AK5: variants seen among roughly 807,000 people sequenced by gnomAD.
AK5 encodes the protein adenylate kinase isoenzyme 5.
AK5 carries 27 observed loss-of-function variants against 69.5 expected under a neutral mutation model. That is an observed-to-expected ratio of 0.39 (90% confidence interval 0.29 to 0.54). The LOEUF is 0.54. AK5 is among the 20% of genes least tolerant of loss of function. The pLI is 0.71. For missense variants in AK5, 531 were observed against 700.4 expected (o/e 0.76, Z 2.73); for synonymous variants, 260 against 244.4 (o/e 1.06, Z -0.60).
At chr1:77,505,021 TATG>T (rs1220102382) in intron 10 of AK5, among the ~76,000 whole-genome samples, 2 of 152,252 alleles carry the variant, frequency 1.3e-5, no homozygotes, top group East Asian at 3.8e-4. Context: ...AATTCACAGA[TATG>T]AATTAAACTT....
At chr1:77,543,616 C>G (rs983087662) in intron 13 of AK5, among the ~76,000 whole-genome samples, 2 of 152,024 alleles carry the variant, frequency 1.3e-5, no homozygotes, top group Admixed American at 1.3e-4. Context: ...ATTGCAGCCT[C>G]AACTTCCCTG....
rs554423853 is a variant in AK5, at chr1:77,550,171, G to A, written c.1621-8431G>A. The stretch of plus-strand genomic sequence containing the variant: ...TTTCCCAAGCTGGTCTCGAGCTCCT[G>A]GGCTGAAGCAATCCTCCTACCTCAG... On this transcript the variant is annotated intron_variant, in intron 13 of 13. Transcript: ENST00000354567. Among the ~76,000 whole-genome samples the A allele has an allele frequency of 3.3e-5, 5 of 152,164 alleles. No individual in the cohort carries two copies. The South Asian group carries it at 1.0e-3, about 32-fold the overall frequency.
intron 6 of AK5, among the ~76,000 whole-genome samples, chr1:77,364,036 A>T (rs749955216): frequency 1.3e-5 from 2 of 152,166 alleles, no homozygotes; most frequent in Non-Finnish European, 2.9e-5. Context: ...AAAGTGTTCA[A>T]TAAATATTTG....
At chr1:77,402,890 G>C (rs1649334038) in intron 6 of AK5, among the ~76,000 whole-genome samples, 1 of 152,158 alleles carries the variant, frequency 6.6e-6, no homozygotes, top group African/African-American at 2.4e-5. Context: ...CACAATGGTT[G>C]AGCTAGTTTA....
At chr1:77,404,087 T>C (rs1649448512) in intron 6 of AK5, among the ~76,000 whole-genome samples, 1 of 152,256 alleles carries the variant, frequency 6.6e-6, no homozygotes, top group Admixed American at 6.5e-5. Context: ...ACTCATGATT[T>C]GGCTCTCTGT....
In AK5 at chr1:77,367,577, A is replaced by ATG. The variant is rs1445266299; in HGVS notation, c.891+27010_891+27011insGT. On this transcript the variant is annotated intron_variant, in intron 6 of 13. Coordinates refer to ENST00000354567, the MANE Select transcript of AK5 (RefSeq NM_174858.3). ...TATTTTTATATATATATATATATAT[A>ATG]TAATATATATGTTATATATGTAATA... Among the ~76,000 whole-genome samples, 12 of 8,982 alleles carry ATG rather than the reference A, an allele frequency of 1.3e-3. 2 individuals are homozygous for ATG. The highest frequency in any genetic ancestry group is 2.1e-3 in the Non-Finnish European group (8 of 3,780). 5.9% of individuals were successfully genotyped at this position (8,982 alleles called of 152,430 possible). A position where few individuals can be genotyped will look rare whatever the true frequency, so the allele number is the denominator to read the frequency against.
Position 77,340,464 on chromosome 1 carries a change from C to A in AK5, c.787C>A (p.Arg263=). Reference sequence around the variant, plus strand: ...ACTGAAGCGTGCAGAACAGCAGGGCCGACCAGACGACAATGTAAAAGCTAC... The same window carrying A: ...ACTGAAGCGTGCAGAACAGCAGGGCAGACCAGACGACAATGTAAAAGCTAC... ...RLLKRAEQQG[R]PDDNVKATQR... Residue 263 remains arginine, a synonymous_variant, in exon 6 of 14, where the codon CGA becomes AGA. Transcript: ENST00000354567. 1 of 1,614,068 alleles carries A rather than the reference C, an allele frequency of 6.2e-7. No individual in the cohort carries two copies. The highest frequency in any genetic ancestry group is 2.2e-5 in the East Asian group (1 of 44,884).
chr1:77,282,270 C>T lies in AK5; in HGVS notation c.-44C>T. On this transcript the variant is annotated 5_prime_UTR_variant, in exon 1 of 14. Transcript: ENST00000354567. ...AGCCCCGGCTCAGGTCGCCGCAGCC[C>T]GGGAGCCTCCCCGCTTGCGCCCCAA... 1 of 1,532,398 alleles carries T rather than the reference C, an allele frequency of 6.5e-7. No individual in the cohort carries two copies. The highest frequency in any genetic ancestry group is 2.5e-5 in the East Asian group (1 of 39,968). 94.9% of individuals were successfully genotyped at this position (1,532,398 alleles called of 1,614,324 possible). A position where few individuals can be genotyped will look rare whatever the true frequency, so the allele number is the denominator to read the frequency against.
intron 13 of AK5, among the ~76,000 whole-genome samples, chr1:77,540,905 G>A (rs767813786): frequency 9.1e-4 from 138 of 151,660 alleles, no homozygotes; most frequent in Non-Finnish European, 1.6e-3. Context: ...GTTTTTTTTT[G>A]TTTGTTTCTT....
rs188395634 is a variant in AK5 at position 77,332,486 on chromosome 1, T to C, written c.700-7891T>C. Among the ~76,000 whole-genome samples the C allele has an allele frequency of 7.6e-4, 115 of 151,018 alleles. 1 individual carries two copies. Among genetic ancestry groups the C allele is most frequent in the African/African-American group, 2.7e-3 (110 of 41,460 alleles). On this transcript the variant is annotated intron_variant, in intron 5 of 13. Transcript: ENST00000354567. ...TAGAATGTCACAATTTTGTTATAAT[T>C]TAATATAAAATATTATTTTTTGCCA...
intron 10 of AK5, among the ~76,000 whole-genome samples, chr1:77,514,302 C>T (rs756347401): frequency 2.0e-5 from 3 of 152,136 alleles, no homozygotes; most frequent in Admixed American, 6.5e-5. Context: ...AATGTGACAG[C>T]TCCTGTCTGT....
At chr1:77,378,726 A>C (rs1453538495) in intron 6 of AK5, among the ~76,000 whole-genome samples, 1 of 152,256 alleles carries the variant, frequency 6.6e-6, no homozygotes, top group African/African-American at 2.4e-5. Context: ...AAAAATATGC[A>C]GATGGAACTG....
intron 8 of AK5, among the ~76,000 whole-genome samples, chr1:77,440,153 G>T (rs1401650848): frequency 6.6e-6 from 1 of 151,948 alleles, no homozygotes; most frequent in Non-Finnish European, 1.5e-5. Context: ...AGCATTTCTT[G>T]TGAAGCCAGT....
In AK5 at chr1:77,549,024, T is replaced by C. The variant is rs573164873; in HGVS notation, c.1621-9578T>C. Among the ~76,000 whole-genome samples the C allele has an allele frequency of 8.0e-5, 12 of 150,700 alleles. No homozygotes were observed. The South Asian group carries it at 2.6e-3, about 32-fold the overall frequency. Reference sequence around the variant, plus strand: ...CCGAGTAGCAGGAATTACAGGTACCTGCCACCACACCCGTCTACTTTTTGT... The same window carrying C: ...CCGAGTAGCAGGAATTACAGGTACCCGCCACCACACCCGTCTACTTTTTGT... On this transcript the variant is annotated intron_variant, in intron 13 of 13. Transcript: ENST00000354567.
intron 8 of AK5, among the ~76,000 whole-genome samples, chr1:77,422,305 A>G (rs904064834): frequency 3.9e-5 from 6 of 152,042 alleles, no homozygotes; most frequent in Non-Finnish European, 8.8e-5. Flanking sequence ...TCACCCATCA[A>G]ATTATCTTCC....
chr1:77,336,535 T>G (rs1311935288), intron 5 of AK5, among the ~76,000 whole-genome samples: 3 of 152,218 alleles, frequency 2.0e-5, no homozygotes, highest in African/African-American at 7.2e-5. Flanking sequence ...TTATCATCGT[T>G]ATTATTTTTG....
Position 77,306,352 on chromosome 1 carries a change from C to T in AK5, c.699+8405C>T, listed in dbSNP as rs575771154. Among the ~76,000 whole-genome samples the T allele has an allele frequency of 7.2e-5, 11 of 152,138 alleles. 1 individual carries two copies. In the South Asian group the frequency reaches 2.3e-3, roughly 32 times the overall value. On this transcript the variant is annotated intron_variant, in intron 5 of 13. Transcript: ENST00000354567. ...TTGAAATGATCATGTGATTTTTACC[C>T]ATCATTCTATTCATATGATGTATCA...
chr1:77,448,266 C>A (rs888494990), intron 8 of AK5, among the ~76,000 whole-genome samples: 3 of 152,190 alleles, frequency 2.0e-5, no homozygotes, highest in Admixed American at 2.0e-4. Context: ...TCTTTTCAGG[C>A]CCATCCATGG....
chr1:77,340,298 A>G, intron 5 of AK5, 79 bp from the exon 6 acceptor site: 1 of 1,394,372 alleles, frequency 7.2e-7, no homozygotes, highest in Non-Finnish European at 9.9e-7. Context: ...CCACAGAACA[A>G]AAGGAAATGA....
Sources: gnomAD v4.1 joint callset for allele counts (sites outside exome capture counted in the v4.1 genomes callset) on GRCh38, gnomAD v4.1.1 for gene constraint, MANE v1.5 for transcripts, NCBI Gene and HGNC (gene_info 2026-07-23, HGNC 2026-07-21) for gene names.